Variants in KCNK3 observed in about 807,000 individuals in gnomAD.
KCNK3 encodes potassium two pore domain channel subfamily K member 3.
KCNK3 carries 9 observed loss-of-function variants against 27.3 expected under a neutral mutation model. The ratio of observed to expected loss-of-function variants is 0.33; its 90% CI spans 0.20 to 0.57. KCNK3 has a LOEUF of 0.57. Ranked by LOEUF, KCNK3 falls within the 20% of genes least tolerant of loss-of-function variation. The probability of loss-of-function intolerance (pLI) is 0.87; values close to 1 mark genes in which losing one functional copy is unlikely to be tolerated. For missense variants in KCNK3, 391 were observed against 577.7 expected, an observed-to-expected ratio of 0.68 and a Z score of 3.31; for synonymous variants, 278 against 273.8, an observed-to-expected ratio of 1.02 and a Z score of -0.15.
At position 26,721,513 on chromosome 2, in the gene KCNK3, C is replaced by T. The variant is rs566753368; in HGVS notation, c.284-6154C>T. 9.2e-5 allele frequency among the ~76,000 whole-genome samples: 14 copies of T among 152,358 alleles called. 1 individual carries two copies. The South Asian group carries it at 2.3e-3, about 25-fold the overall frequency. On this transcript the variant is annotated intron_variant, in intron 1 of 1. Coordinates refer to ENST00000302909, the MANE Select transcript of KCNK3 (RefSeq NM_002246.3). This position sits in a 1 kb window ranked among gnomAD's most constrained non-coding sequence, Gnocchi z 4.3. ...AGTCCCACTTCCTGGTTCCACACTG[C>T]TGCCATCCCCACAACTGAGGGGCGG...
Position 26,727,661 on chromosome 2 carries a change from C to T in KCNK3, c.284-6C>T. On this transcript the variant is annotated splice_polypyrimidine_tract_variant and splice_region_variant and intron_variant, in intron 1 of 1. Transcript: ENST00000302909. ...GCTTTTTCTCCTCTTTCCCACTTTCCCCCAGGCTACGGGCACGCGGCACCC... is the reference window on the plus strand; with the variant it reads ...GCTTTTTCTCCTCTTTCCCACTTTCTCCCAGGCTACGGGCACGCGGCACCC... 1 of 1,510,924 alleles carries T rather than the reference C, an allele frequency of 6.6e-7. No individual in the cohort carries two copies. Among genetic ancestry groups the T allele is most frequent in the African/African-American group, 1.4e-5 (1 of 71,634 alleles). The allele number at this position is 1,510,924 out of a possible 1,614,324, so 93.6% of individuals were successfully genotyped here.
At chr2:26,711,180 C>A (rs1480566306) in intron 1 of KCNK3, among the ~76,000 whole-genome samples, 1 of 152,212 alleles carries the variant, frequency 6.6e-6, no homozygotes, top group African/African-American at 2.4e-5. Context: ...TGTCATGAAG[C>A]TGATACACAT....
intron 1 of KCNK3, among the ~76,000 whole-genome samples, chr2:26,725,459 C>T (rs1462767092): frequency 6.6e-6 from 1 of 152,224 alleles, no homozygotes; most frequent in East Asian, 1.9e-4. Flanking sequence ...TATGTCCATG[C>T]TCCCTACTTC....
Position 26,692,812 on chromosome 2 carries a change from C to A in KCNK3, c.-64C>A. On this transcript the variant is annotated 5_prime_UTR_variant, in exon 1 of 2. Coordinates refer to ENST00000302909, the MANE Select transcript of KCNK3 (RefSeq NM_002246.3). The surrounding 1 kb of genome is among the most constrained non-coding windows in gnomAD (Gnocchi z 5.6). ...CAGGCCGCCTCCGGGGCAGCAGCAG[C>A]GGCGGCCGGGGCCGAGGCGCGGGCC... The A allele has an allele frequency of 1.1e-6, 1 of 911,774 alleles. No individual in the cohort carries two copies. Among genetic ancestry groups the A allele is most frequent in the Non-Finnish European group, 1.3e-6 (1 of 761,130 alleles). The allele number at this position is 911,774 out of a possible 1,614,324, so 56.5% of individuals were successfully genotyped here. A position where few individuals can be genotyped will look rare whatever the true frequency, so the allele number is the denominator to read the frequency against.
chr2:26,699,250 A>AAAGAAAGC (rs35378015), intron 1 of KCNK3, among the ~76,000 whole-genome samples: 1,586 of 142,688 alleles, frequency 0.011, 21 homozygotes, highest in African/African-American at 0.033. Flanking sequence ...AGAAAGAAAG[A>AAAGAAAGC]AAGCCAGCCA....
chr2:26,714,088 AAG>A (rs1476149101), intron 1 of KCNK3, among the ~76,000 whole-genome samples: 1 of 152,064 alleles, frequency 6.6e-6, no homozygotes, highest in Non-Finnish European at 1.5e-5. Flanking sequence ...AAAAAAAAAA[AAG>A]AAAAGAAAAA....
At chr2:26,706,611 G>A (rs979192965) in intron 1 of KCNK3, among the ~76,000 whole-genome samples, 1 of 152,152 alleles carries the variant, frequency 6.6e-6, no homozygotes, top group Admixed American at 6.5e-5. Context: ...CTCCAGGAGG[G>A]GCCGGAGAGA....
Position 26,728,196 on chromosome 2 carries a change from C to A in KCNK3, c.813C>A (p.Gly271=). The A allele has an allele frequency of 6.4e-7, 1 of 1,563,850 alleles. No individual in the cohort carries two copies. The change falls in exon 2 of 2, where the codon GGC becomes GGA. Residue 271 remains glycine, a synonymous_variant. Transcript: ENST00000302909. ...TGCTCACGCGCAACGGGCAGGCGGG[C>A]GGCGGCGGAGGGGGTGGCAGCGCGC... ...RALLTRNGQA[G]GGGGGGSAHT...
intron 1 of KCNK3, among the ~76,000 whole-genome samples, chr2:26,715,105 T>G (rs1469576627): frequency 6.6e-6 from 1 of 152,128 alleles, no homozygotes; most frequent in Non-Finnish European, 1.5e-5. Context: ...CAACTAACAT[T>G]AGTTAGACTG....
At chr2:26,720,903 G>A (rs1025134860) in intron 1 of KCNK3, among the ~76,000 whole-genome samples, 1 of 152,168 alleles carries the variant, frequency 6.6e-6, no homozygotes, top group Non-Finnish European at 1.5e-5. Flanking sequence ...AGCTCCATGA[G>A]ACCCGGTGGT....
rs767612748 is a variant in KCNK3, at chr2:26,728,191, G to A, written c.808G>A (p.Ala270Thr). ...CGCGCTGCTCACGCGCAACGGGCAG[G>A]CGGGCGGCGGCGGAGGGGGTGGCAG... ...HRALLTRNGQAGGGGGGGSAH... is the reference protein window; with the variant it reads ...HRALLTRNGQTGGGGGGGSAH... Residue 270 changes from alanine to threonine, a missense_variant, in exon 2 of 2, where the codon GCG becomes ACG. By Grantham distance (58) the Ala-to-Thr change is moderately conservative. Transcript: ENST00000302909. 5.1e-6 allele frequency: 8 copies of A among 1,563,798 alleles called. No homozygotes were observed. The South Asian group carries it at 9.3e-5, about 18-fold the overall frequency.
chr2:26,700,941 A>C (rs1013500513), intron 1 of KCNK3, among the ~76,000 whole-genome samples: 6 of 152,214 alleles, frequency 3.9e-5, no homozygotes, highest in African/African-American at 1.4e-4. Context: ...AGCAATGCAG[A>C]GTTCTCTAAG....
chr2:26,720,171 CTT>C (rs1663302419), intron 1 of KCNK3, among the ~76,000 whole-genome samples: 1 of 152,226 alleles, frequency 6.6e-6, no homozygotes, highest in Non-Finnish European at 1.5e-5. Flanking sequence ...AGAAGAATCA[CTT>C]GAACCCAGGA....
rs1476429910 is a variant in KCNK3 at position 26,728,625 on chromosome 2, G to A, written c.*57G>A. ...GCGGGCGGGGGACCCCTGCTGGGAG[G>A]CCAGGAGACTGCCCCTGCTGCCTTC... is the stretch of plus-strand genomic sequence containing the variant. On this transcript the variant is annotated 3_prime_UTR_variant, in exon 2 of 2. Coordinates refer to ENST00000302909, the MANE Select transcript of KCNK3 (RefSeq NM_002246.3). The A allele has an allele frequency of 2.2e-6, 3 of 1,370,108 alleles. No individual in the cohort carries two copies. The Admixed American group carries it at 9.5e-5, about 43-fold the overall frequency. The allele number at this position is 1,370,108 out of a possible 1,614,324, so 84.9% of individuals were successfully genotyped here. A position where few individuals can be genotyped will look rare whatever the true frequency, so the allele number is the denominator to read the frequency against.
intron 1 of KCNK3, among the ~76,000 whole-genome samples, chr2:26,713,118 A>G (rs1197206498): frequency 6.6e-6 from 1 of 152,134 alleles, no homozygotes; most frequent in Non-Finnish European, 1.5e-5. Flanking sequence ...GAGAGGGGCC[A>G]TCTCCACGCA....
chr2:26,697,313 C>A (rs779680096), intron 1 of KCNK3, among the ~76,000 whole-genome samples: 1 of 152,108 alleles, frequency 6.6e-6, no homozygotes, highest in East Asian at 1.9e-4. Flanking sequence ...CAGACCAGCC[C>A]GGACAACATG....
chr2:26,705,122 AC>A (rs1251603445), intron 1 of KCNK3, among the ~76,000 whole-genome samples: 3 of 152,056 alleles, frequency 2.0e-5, no homozygotes, highest in African/African-American at 7.2e-5. Flanking sequence ...GTGCCACTAC[AC>A]CCAGCTAATT....
chr2:26,725,258 G>T (rs544487569), intron 1 of KCNK3, among the ~76,000 whole-genome samples: 12 of 152,122 alleles, frequency 7.9e-5, no homozygotes, highest in African/African-American at 2.7e-4. Context: ...CTTCCATCTC[G>T]CAAGCTACAG....
intron 1 of KCNK3, among the ~76,000 whole-genome samples, chr2:26,718,955 G>A (rs186484621): frequency 1.3e-5 from 2 of 152,134 alleles, no homozygotes; most frequent in African/African-American, 2.4e-5. Context: ...AATATAGAAA[G>A]CGTTGTCTCC....
Sources: allele counts gnomAD v4.1 joint callset (sites outside exome capture counted in the v4.1 genomes callset), GRCh38; gene constraint gnomAD v4.1.1; non-coding constraint Gnocchi (gnomAD v3.1); transcripts MANE v1.5; gene names NCBI Gene and HGNC (gene_info 2026-07-23, HGNC 2026-07-21).